Variants in MPRIP observed in about 807,000 individuals in gnomAD.
MPRIP encodes myosin phosphatase Rho-interacting protein.
MPRIP carries 59 observed loss-of-function variants against 234.9 expected under a neutral mutation model. The observed-to-expected ratio is 0.25, with a 90% CI of 0.20 to 0.31. The LOEUF is 0.31. Among genes scored for constraint, MPRIP ranks in the 10% least tolerant of loss-of-function variants. The pLI is 1.00. For missense variants in MPRIP, 2,436 were observed against 3,071.0 expected, an observed-to-expected ratio of 0.79 and a Z score of 4.89; for synonymous variants, 1,144 against 1,263.9, an observed-to-expected ratio of 0.91 and a Z score of 2.01.
Position 17,166,687 on chromosome 17 carries a change from C to T in MPRIP, c.5096C>T (p.Thr1699Met), listed in dbSNP as rs113660434. ...CAGGAGACCCTGCGGGGCACCCAGA[C>T]GGCCCTGCGGCAGCACAAATGCCTG... The part of the protein sequence containing the change: ...SIQETLRGTQ[T>M]ALRQHKCLLR... Residue 1699 changes from threonine to methionine, a missense_variant, in exon 16 of 24, where the codon ACG (threonine) becomes ATG (methionine). Physicochemically the swap from Thr to Met is moderately conservative, Grantham distance 81. Transcript: ENST00000651222. The surrounding 1 kb of genome is among the most constrained non-coding windows in gnomAD (Gnocchi z 4.4). The T allele has an allele frequency of 5.9e-3, 7,693 of 1,303,840 alleles. 29 individuals carry two copies. The highest frequency in any genetic ancestry group is 7.2e-3 in the Non-Finnish European group (7,138 of 988,848). The allele number at this position is 1,303,840 out of a possible 1,614,324, so 80.8% of individuals were successfully genotyped here.
At chr17:17,047,305 C>T (rs896523358) in intron 1 of MPRIP, among the ~76,000 whole-genome samples, 3 of 152,160 alleles carry the variant, frequency 2.0e-5, no homozygotes, top group Non-Finnish European at 4.4e-5. Context: ...ATGCTTGCCA[C>T]GTATTGCAGG....
Position 17,176,563 on chromosome 17 carries a change from A to G in MPRIP, c.6957+51A>G, listed in dbSNP as rs753640322. On this transcript the variant is annotated intron_variant, in intron 21 of 23. Coordinates refer to ENST00000651222, the MANE Select transcript of MPRIP (RefSeq NM_001364716.4). ...CGGGTACGGGAACAGGCTCTAGGTGACATGCGCCTCCTGAACTCAGGCTGG... is the reference window on the plus strand; with the variant it reads ...CGGGTACGGGAACAGGCTCTAGGTGGCATGCGCCTCCTGAACTCAGGCTGG... The G allele has an allele frequency of 2.2e-6, 3 of 1,374,686 alleles. No homozygotes were observed. In the South Asian group the frequency reaches 3.5e-5, roughly 16 times the overall value. The allele number at this position is 1,374,686 out of a possible 1,614,324, so 85.2% of individuals were successfully genotyped here. A position where few individuals can be genotyped will look rare whatever the true frequency, so the allele number is the denominator to read the frequency against.
At chr17:17,079,912 T>C (rs915227176) in intron 3 of MPRIP, among the ~76,000 whole-genome samples, 4 of 152,216 alleles carry the variant, frequency 2.6e-5, no homozygotes, top group African/African-American at 9.7e-5. Flanking sequence ...GCACCGACAC[T>C]TCACAGTGCA....
At chr17:17,076,035 G>A (rs1253055587) in intron 2 of MPRIP, 1 of 475,446 alleles carries the variant, frequency 2.1e-6, no homozygotes, top group Admixed American at 3.7e-5. Context: ...TGTGGGTCAG[G>A]TTGACTCTAG....
chr17:17,123,221 A>G, intron 3 of MPRIP, among the ~76,000 whole-genome samples: 1 of 152,198 alleles, frequency 6.6e-6, no homozygotes, highest in East Asian at 1.9e-4. Flanking sequence ...GTCAAAGGGA[A>G]GTGACTGCGA....
intron 23 of MPRIP, among the ~76,000 whole-genome samples, chr17:17,184,580 C>T (rs1373626345): frequency 1.3e-5 from 2 of 152,236 alleles, no homozygotes; most frequent in African/African-American, 2.4e-5. Context: ...GCTGCTTAAA[C>T]ACATGGTCTT....
At position 17,171,705 on chromosome 17, in the gene MPRIP, T is replaced by C. The variant is rs1376118499; in HGVS notation, c.6325-13T>C. On this transcript the variant is annotated splice_polypyrimidine_tract_variant and intron_variant, in intron 16 of 23. Transcript: ENST00000651222. ...AAGAAAGAAGTCGATGAAGTCCCTT[T>C]TGCATTTTGCAGGCCACGTGCGAGC... 1.2e-6 allele frequency: 2 copies of C among 1,606,108 alleles called. No homozygotes were observed. The highest frequency in any genetic ancestry group is 1.7e-6 in the Non-Finnish European group (2 of 1,178,500).
rs767056006 is a variant in MPRIP, at chr17:17,164,586, G to A, written c.2995G>A (p.Asp999Asn). 10 of 1,211,632 alleles carry A rather than the reference G, an allele frequency of 8.3e-6. No individual in the cohort carries two copies. The highest frequency in any genetic ancestry group is 6.2e-5 in the South Asian group (4 of 64,920). 75.1% of individuals were successfully genotyped at this position (1,211,632 alleles called of 1,614,324 possible). A position where few individuals can be genotyped will look rare whatever the true frequency, so the allele number is the denominator to read the frequency against. Residue 999 changes from aspartate (D) to asparagine (N), a missense_variant, in exon 16 of 24, where the codon GAC becomes AAC. Physicochemically the swap from Asp to Asn is conservative, Grantham distance 23 (BLOSUM62 1). Transcript: ENST00000651222. Reference sequence around the variant, plus strand: ...CCAGAGGCTGCAGGAGCGCATTGCCGACCTCAGCCAGCAACTGGGCGCCAG... The same window carrying A: ...CCAGAGGCTGCAGGAGCGCATTGCCAACCTCAGCCAGCAACTGGGCGCCAG... ...EVQRLQERIA[D>N]LSQQLGASEQ...
At position 17,125,475 on chromosome 17, in the gene MPRIP, G is replaced by A. The variant is rs995053285; in HGVS notation, c.268-1227G>A. ...GGCTCTGCAAAGCCAGCAGCCCTCC[G>A]GTCTGACTCCTGCAGGCAGGCATCA... On this transcript the variant is annotated intron_variant, in intron 3 of 23. Transcript: ENST00000651222. Among the ~76,000 whole-genome samples, 7 of 152,338 alleles carry A rather than the reference G, an allele frequency of 4.6e-5. No individual in the cohort carries two copies. In the South Asian group the frequency reaches 1.0e-3, roughly 23 times the overall value.
intron 3 of MPRIP, chr17:17,096,961 G>A (rs1567712408): frequency 2.7e-6 from 1 of 369,712 alleles, no homozygotes; most frequent in Non-Finnish European, 5.5e-6. Flanking sequence ...GGGAGCATAA[G>A]CACTGAGACA....
chr17:17,096,552 A>G (rs964489136), intron 3 of MPRIP, among the ~76,000 whole-genome samples: 2 of 152,148 alleles, frequency 1.3e-5, no homozygotes, highest in African/African-American at 4.8e-5. Flanking sequence ...GAGAGGAGAC[A>G]GTTTATCTCA....
At chr17:17,125,443 A>C (rs955143560) in intron 3 of MPRIP, among the ~76,000 whole-genome samples, 1 of 152,242 alleles carries the variant, frequency 6.6e-6, no homozygotes, top group African/African-American at 2.4e-5. Flanking sequence ...GCAGCCATGT[A>C]GGCAAGGGCT....
chr17:17,099,735 A>T (rs543281725), intron 3 of MPRIP, among the ~76,000 whole-genome samples: 132 of 152,050 alleles, frequency 8.7e-4, no homozygotes, highest in African/African-American at 2.1e-3. Context: ...TCTCTTTTTT[A>T]AAAAAAATGT....
At chr17:17,047,051 G>A (rs1302581618) in intron 1 of MPRIP, among the ~76,000 whole-genome samples, 4 of 152,182 alleles carry the variant, frequency 2.6e-5, no homozygotes, top group Admixed American at 6.5e-5. Flanking sequence ...GGTGGCACAT[G>A]CCTGTAATCC....
chr17:17,084,276 T>C (rs1030563562), intron 3 of MPRIP, among the ~76,000 whole-genome samples: 1 of 152,232 alleles, frequency 6.6e-6, no homozygotes, highest in African/African-American at 2.4e-5. Context: ...ACTAAATCCC[T>C]AGCAGAACCA....
chr17:17,077,633 C>G, intron 2 of MPRIP: 1 of 181,608 alleles, frequency 5.5e-6, no homozygotes. Context: ...CATGTCATGT[C>G]AGATCATTCA....
chr17:17,076,144 T>C, intron 2 of MPRIP: 1 of 190,550 alleles, frequency 5.2e-6, no homozygotes, highest in South Asian at 1.2e-4. Flanking sequence ...CTGTAGCACC[T>C]CCCTTCTTCC....
chr17:17,134,221 G>A (rs1440390612), intron 5 of MPRIP, among the ~76,000 whole-genome samples: 1 of 152,228 alleles, frequency 6.6e-6, no homozygotes, highest in Non-Finnish European at 1.5e-5. Flanking sequence ...GAAGTGGGGA[G>A]CCTTCTGAAA....
chr17:17,109,372 G>A (rs921269324), intron 3 of MPRIP, among the ~76,000 whole-genome samples: 3 of 152,206 alleles, frequency 2.0e-5, no homozygotes, highest in Non-Finnish European at 4.4e-5. Context: ...TCTCACACGA[G>A]TACTGACACT....
Sources: allele counts gnomAD v4.1 joint callset (sites outside exome capture counted in the v4.1 genomes callset), GRCh38; gene constraint gnomAD v4.1.1; non-coding constraint Gnocchi (gnomAD v3.1); transcripts MANE v1.5; gene names NCBI Gene and HGNC (gene_info 2026-07-23, HGNC 2026-07-21).